Variants in CLVS1 observed in about 807,000 individuals in gnomAD.
The protein encoded by CLVS1 is clavesin-1.
A neutral mutation model predicts 33.1 loss-of-function variants in CLVS1; 10 were observed. The observed-to-expected ratio is 0.30, with a 90% CI of 0.19 to 0.51. CLVS1 has a LOEUF of 0.51. Among genes scored for constraint, CLVS1 ranks in the 20% least tolerant of loss-of-function variants. The probability of loss-of-function intolerance (pLI) is 0.97; values close to 1 mark genes in which losing one functional copy is unlikely to be tolerated. For synonymous variants in CLVS1, 163 were observed against 166.1 expected (o/e 0.98, Z 0.14); for missense variants, 343 against 433.4 (o/e 0.79, Z 1.85).
At chr8:61,488,387 T>G (rs888864846) in intron 5 of CLVS1, among the ~76,000 whole-genome samples, 2 of 152,204 alleles carry the variant, frequency 1.3e-5, no homozygotes, top group Non-Finnish European at 2.9e-5. Context: ...AGGGTGACTC[T>G]GTTTAACGGA....
intron 2 of CLVS1, among the ~76,000 whole-genome samples, chr8:61,143,510 TA>T: frequency 6.6e-6 from 1 of 152,072 alleles, no homozygotes; most frequent in East Asian, 1.9e-4. Context: ...AGAACATGCT[TA>T]CTAGTAGCAA....
the CLVS1 span, among the ~76,000 whole-genome samples, chr8:61,033,126 GGAAAGAAAGAAA>G: frequency 1.5e-5 from 1 of 68,732 alleles, no homozygotes; most frequent in African/African-American, 5.1e-5. Context: ...AAGGAAGAAA[GGAAAGAAAGAAA>G]GAAAGAAAGA....
chr8:60,988,225 A>G, the CLVS1 span, among the ~76,000 whole-genome samples: 2 of 152,200 alleles, frequency 1.3e-5, no homozygotes, highest in Non-Finnish European at 2.9e-5. Context: ...AGGACCCTGT[A>G]GAGACTGGGG....
chr8:60,990,900 C>T, the CLVS1 span, among the ~76,000 whole-genome samples: 12 of 151,968 alleles, frequency 7.9e-5, no homozygotes, highest in Non-Finnish European at 1.5e-4. Context: ...TTAGCAGAGA[C>T]GGGTTTTCAC....
the CLVS1 span, among the ~76,000 whole-genome samples, chr8:61,029,739 C>T: frequency 5.3e-5 from 8 of 152,104 alleles, no homozygotes; most frequent in Non-Finnish European, 1.0e-4. Flanking sequence ...CTAATGCTAT[C>T]CCTCCCCTAG....
chr8:61,328,616 C>T (rs1811473410), intron 2 of CLVS1, among the ~76,000 whole-genome samples: 1 of 152,002 alleles, frequency 6.6e-6, no homozygotes, highest in Admixed American at 6.6e-5. Flanking sequence ...CGATTACTTC[C>T]ATAAAGCCTG....
chr8:61,237,813 T>C (rs7818621), intron 2 of CLVS1, among the ~76,000 whole-genome samples: 97,256 of 151,482 alleles, frequency 0.64, 34,054 homozygotes, highest in East Asian at 0.96. Flanking sequence ...GCCTTTTGTT[T>C]TCTCCAAATC....
chr8:61,408,937 C>T (rs1197520251), intron 3 of CLVS1, among the ~76,000 whole-genome samples: 2 of 152,268 alleles, frequency 1.3e-5, no homozygotes, highest in Non-Finnish European at 2.9e-5. Context: ...TGACAGAACA[C>T]CTCAAATCCT....
At chr8:61,227,169 TAATA>T (rs1808349835) in intron 2 of CLVS1, among the ~76,000 whole-genome samples, 1 of 151,624 alleles carries the variant, frequency 6.6e-6, no homozygotes, top group Admixed American at 6.6e-5. Flanking sequence ...AGATGTGTCC[TAATA>T]AATGAGCAAA....
chr8:61,093,734 C>T (rs1360295824), intron 1 of CLVS1, among the ~76,000 whole-genome samples: 5 of 152,172 alleles, frequency 3.3e-5, no homozygotes, highest in African/African-American at 4.8e-5. Flanking sequence ...TTTTCTTGGA[C>T]CCCTCCCCCC....
At chr8:60,986,460 C>T in the CLVS1 span, among the ~76,000 whole-genome samples, 1 of 152,168 alleles carries the variant, frequency 6.6e-6, no homozygotes, top group African/African-American at 2.4e-5. Flanking sequence ...TCTATATTCC[C>T]GAATTCCATA....
chr8:61,352,483 G>A (rs1055801505), intron 2 of CLVS1, among the ~76,000 whole-genome samples: 34 of 152,008 alleles, frequency 2.2e-4, no homozygotes, highest in Non-Finnish European at 7.4e-5. Context: ...ACAGAGATTA[G>A]CAGTGGATTA....
rs1247598262 is a variant in CLVS1 at position 61,120,703 on chromosome 8, A to C, written c.-242-11067A>C. Among the ~76,000 whole-genome samples, 5 of 140,584 alleles carry C rather than the reference A, an allele frequency of 3.6e-5. No individual in the cohort carries two copies. In the South Asian group the frequency reaches 1.2e-3, roughly 35 times the overall value. 92.2% of individuals were successfully genotyped at this position (140,584 alleles called of 152,430 possible). ...GCTGCTCAGGGGTCAGGGGTCAGGGACCCACTTGAGGAGGCAGTCTGCCCG... is the reference window on the plus strand; with the variant it reads ...GCTGCTCAGGGGTCAGGGGTCAGGGCCCCACTTGAGGAGGCAGTCTGCCCG... On this transcript the variant is annotated intron_variant, in intron 1 of 2. Transcript: ENST00000522621.
intron 2 of CLVS1, among the ~76,000 whole-genome samples, chr8:61,276,604 G>A (rs1809565827): frequency 6.6e-6 from 1 of 152,094 alleles, no homozygotes; most frequent in African/African-American, 2.4e-5. Context: ...CACATATTCA[G>A]CTCCTTCTTT....
the CLVS1 span, among the ~76,000 whole-genome samples, chr8:60,972,462 G>A: frequency 4.0e-3 from 610 of 152,266 alleles, 3 homozygotes; most frequent in African/African-American, 0.014. Flanking sequence ...CACCAGGTTA[G>A]GAGGATGAGA....
chr8:61,222,175 A>C (rs1307157153), intron 2 of CLVS1, among the ~76,000 whole-genome samples: 1 of 150,246 alleles, frequency 6.7e-6, no homozygotes, highest in East Asian at 2.0e-4. Context: ...TTCTGTCTCT[A>C]TGTCCTTCAA....
At chr8:61,186,074 C>T (rs1320486512) in intron 2 of CLVS1, among the ~76,000 whole-genome samples, 1 of 152,136 alleles carries the variant, frequency 6.6e-6, no homozygotes, top group Non-Finnish European at 1.5e-5. Context: ...TCCTACCTTC[C>T]ACTAGAAATC....
At chr8:61,260,536 T>C (rs1809181224) in intron 2 of CLVS1, among the ~76,000 whole-genome samples, 1 of 152,180 alleles carries the variant, frequency 6.6e-6, no homozygotes, top group African/African-American at 2.4e-5. Flanking sequence ...CACCTCTCCA[T>C]ACCAGGGCTC....
chr8:61,317,979 C>T (rs1811068617), intron 2 of CLVS1, among the ~76,000 whole-genome samples: 1 of 152,158 alleles, frequency 6.6e-6, no homozygotes, highest in African/African-American at 2.4e-5. Context: ...GCACCCGACT[C>T]CCCTTTGTGG....
Sources: gnomAD v4.1 joint callset for allele counts (sites outside exome capture counted in the v4.1 genomes callset) on GRCh38, gnomAD v4.1.1 for gene constraint, MANE v1.5 for transcripts, NCBI Gene and HGNC (gene_info 2026-07-23, HGNC 2026-07-21) for gene names.